Variants in DSCAM observed in about 807,000 individuals in gnomAD.
The protein encoded by DSCAM is DS cell adhesion molecule.
DSCAM carries 47 observed loss-of-function variants against 217.7 expected under a neutral mutation model. The observed-to-expected ratio is 0.22, with a 90% CI of 0.17 to 0.28. DSCAM has a LOEUF of 0.28. DSCAM is among the 10% of genes least tolerant of loss of function. The probability of loss-of-function intolerance (pLI) is 1.00; values close to 1 mark genes in which losing one functional copy is unlikely to be tolerated. For synonymous variants in DSCAM, 1,056 were observed against 1,015.3 expected (o/e 1.04, Z -0.76); for missense variants, 2,080 against 2,618.3 (o/e 0.79, Z 4.49).
rs548936534 is a variant in DSCAM at position 40,810,476 on chromosome 21, G to A, written c.43+36143C>T. On this transcript the variant is annotated intron_variant, in intron 1 of 32. Transcript: ENST00000400454. ...TCTGGTAAACCAGGAACACAAGAAG[G>A]TTGGGTAGAGTGTTTAAGCTTTTGA... 7.2e-5 allele frequency among the ~76,000 whole-genome samples: 11 copies of A among 152,338 alleles called. No homozygotes were observed. The East Asian group carries it at 2.1e-3, about 29-fold the overall frequency.
At chr21:40,739,218 A>G (rs929426150) in intron 1 of DSCAM, among the ~76,000 whole-genome samples, 10 of 149,870 alleles carry the variant, frequency 6.7e-5, no homozygotes, top group African/African-American at 2.5e-4. Context: ...ACAAGAGGAC[A>G]ATGGCAGGAG....
chr21:40,182,207 G>A (rs1265953127), intron 14 of DSCAM, among the ~76,000 whole-genome samples: 3 of 152,260 alleles, frequency 2.0e-5, no homozygotes, highest in South Asian at 4.2e-4. Flanking sequence ...ACAATGGAGA[G>A]GTAGCTGGGA....
At chr21:40,637,834 G>C (rs1214056682) in intron 3 of DSCAM, among the ~76,000 whole-genome samples, 3 of 150,148 alleles carry the variant, frequency 2.0e-5, no homozygotes, top group African/African-American at 7.4e-5. Context: ...CACCACGCCT[G>C]GCTAATTTTT....
intron 3 of DSCAM, among the ~76,000 whole-genome samples, chr21:40,414,909 T>C (rs17835489): frequency 0.094 from 14,351 of 152,226 alleles, 756 homozygotes; most frequent in Non-Finnish European, 0.13. Context: ...ATTCAGCATA[T>C]AGATATTCAC....
At chr21:40,019,492 CTT>C (rs1377496203) in intron 32 of DSCAM, among the ~76,000 whole-genome samples, 1 of 152,218 alleles carries the variant, frequency 6.6e-6, no homozygotes, top group Non-Finnish European at 1.5e-5. Flanking sequence ...CATGTGAAAG[CTT>C]TCCCTGGATT....
chr21:40,134,686 G>A (rs537421036), intron 18 of DSCAM, among the ~76,000 whole-genome samples: 12 of 152,152 alleles, frequency 7.9e-5, no homozygotes, highest in African/African-American at 2.9e-4. Context: ...TGGTGGACCC[G>A]CTGTTAATTT....
intron 27 of DSCAM, among the ~76,000 whole-genome samples, chr21:40,072,827 T>C (rs1449100800): frequency 6.6e-6 from 1 of 152,214 alleles, no homozygotes; most frequent in East Asian, 1.9e-4. Context: ...ACCTTTGTGT[T>C]GGATTTACCT....
At chr21:40,054,784 C>T (rs1267949974) in intron 29 of DSCAM, among the ~76,000 whole-genome samples, 5 of 152,144 alleles carry the variant, frequency 3.3e-5, no homozygotes, top group Admixed American at 2.6e-4. Context: ...GACAGCATGG[C>T]GGTGAGTGTG....
chr21:40,546,012 T>C (rs1243751456), intron 3 of DSCAM, among the ~76,000 whole-genome samples: 1 of 152,216 alleles, frequency 6.6e-6, no homozygotes, highest in African/African-American at 2.4e-5. Flanking sequence ...TAATCCCTAG[T>C]AACCTGGTCG....
At chr21:40,107,330 C>G (rs543920604) in intron 20 of DSCAM, among the ~76,000 whole-genome samples, 22 of 152,046 alleles carry the variant, frequency 1.4e-4, no homozygotes, top group Non-Finnish European at 2.5e-4. Context: ...GTGCTGTGGT[C>G]TGAGAGACTG....
intron 3 of DSCAM, among the ~76,000 whole-genome samples, chr21:40,508,209 C>T (rs900223408): frequency 2.6e-5 from 4 of 152,166 alleles, no homozygotes; most frequent in African/African-American, 9.7e-5. Flanking sequence ...TGAGTATTTA[C>T]CATTCTGAGT....
chr21:40,471,834 T>G (rs992951390), intron 3 of DSCAM, among the ~76,000 whole-genome samples: 1 of 152,246 alleles, frequency 6.6e-6, no homozygotes, highest in African/African-American at 2.4e-5. Flanking sequence ...AGGGTACATG[T>G]GCACAATGTG....
chr21:40,135,510 C>A (rs1170187127), intron 18 of DSCAM, among the ~76,000 whole-genome samples: 2 of 152,220 alleles, frequency 1.3e-5, no homozygotes, highest in Non-Finnish European at 2.9e-5. Flanking sequence ...CGGATCTCAG[C>A]TGCTCTCCTC....
chr21:40,598,481 A>C (rs1435578465), intron 3 of DSCAM, among the ~76,000 whole-genome samples: 1 of 149,952 alleles, frequency 6.7e-6, no homozygotes, highest in African/African-American at 2.5e-5. Context: ...TTTAGTTTGT[A>C]AGAAACTGCC....
chr21:40,301,519 T>G (rs998620023), intron 9 of DSCAM, among the ~76,000 whole-genome samples: 3 of 132,376 alleles, frequency 2.3e-5, no homozygotes, highest in Non-Finnish European at 4.6e-5. Context: ...AGCTTAGCAC[T>G]CACTCAGTCA....
At chr21:40,630,947 G>T (rs973645252) in intron 3 of DSCAM, among the ~76,000 whole-genome samples, 6 of 152,192 alleles carry the variant, frequency 3.9e-5, no homozygotes, top group Non-Finnish European at 7.3e-5. Flanking sequence ...GGGCCAAGGA[G>T]AGAAAGACTC....
chr21:40,331,341 G>A (rs186274043), intron 8 of DSCAM, among the ~76,000 whole-genome samples: 30 of 152,264 alleles, frequency 2.0e-4, no homozygotes, highest in African/African-American at 6.5e-4. Context: ...TAGGCGAGAT[G>A]ACATTTGTTC....
At position 40,734,662 on chromosome 21, in the gene DSCAM, A is replaced by C. The variant is rs2091045445; in HGVS notation, c.44-25891T>G. The stretch of plus-strand genomic sequence containing the variant: ...TTTACCAAGCAGCCTCTTAGGAAAA[A>C]TTCAACTGGGACCTCCATCCCACCA... On this transcript the variant is annotated intron_variant, in intron 1 of 32. Coordinates refer to ENST00000400454, the MANE Select transcript of DSCAM (RefSeq NM_001389.5). Among the ~76,000 whole-genome samples, 11 of 152,308 alleles carry C rather than the reference A, an allele frequency of 7.2e-5. 2 individuals are homozygous for C. In the South Asian group the frequency reaches 2.3e-3, roughly 32 times the overall value.
chr21:40,220,018 C>G (rs1021243585), intron 11 of DSCAM, among the ~76,000 whole-genome samples: 1 of 152,176 alleles, frequency 6.6e-6, no homozygotes, highest in East Asian at 1.9e-4. Flanking sequence ...GAGTTAATGG[C>G]TTAACTTTTT....
Sources: gnomAD v4.1 joint callset for allele counts (sites outside exome capture counted in the v4.1 genomes callset) on GRCh38, gnomAD v4.1.1 for gene constraint, MANE v1.5 for transcripts, NCBI Gene and HGNC (gene_info 2026-07-23, HGNC 2026-07-21) for gene names.